The following RSPH14 variants were observed in gnomAD, a reference collection of about 807,000 sequenced individuals.
The protein encoded by RSPH14 is rhabdoid tumor deletion region gene 1.
Under a neutral mutation model 26.7 loss-of-function variants are expected in RSPH14, and 20 were observed. The ratio of observed to expected loss-of-function variants is 0.75; its 90% CI spans 0.53 to 1.09. The LOEUF (loss-of-function observed/expected upper bound fraction) is 1.09, where lower values mean the gene tolerates loss of function less well. Ranked by LOEUF, RSPH14 falls within the 50% of genes least tolerant of loss-of-function variation. RSPH14 has a pLI of 0.00. For missense variants in RSPH14, 449 were observed against 457.2 expected (o/e 0.98, Z 0.16); for synonymous variants, 177 against 189.3 (o/e 0.93, Z 0.53).
chr22:23,138,453 C>T (rs2070520710), intron 3 of RSPH14, among the ~76,000 whole-genome samples: 1 of 152,048 alleles, frequency 6.6e-6, no homozygotes, highest in Admixed American at 6.6e-5. Flanking sequence ...CCCAGCTACT[C>T]AGGAGGCTGA....
intron 4 of RSPH14, among the ~76,000 whole-genome samples, chr22:23,127,989 C>T (rs140961756): frequency 3.3e-5 from 5 of 152,240 alleles, no homozygotes; most frequent in African/African-American, 1.2e-4. Flanking sequence ...GGGCTGCACA[C>T]GTGTGGAGTC....
intron 4 of RSPH14, among the ~76,000 whole-genome samples, chr22:23,115,604 G>A (rs1043961838): frequency 6.6e-6 from 1 of 152,108 alleles, no homozygotes; most frequent in African/African-American, 2.4e-5. Flanking sequence ...CCTGCAGGGT[G>A]GCCTCCCACA....
In RSPH14 at chr22:23,134,125, C is replaced by T. The variant is rs150195770; in HGVS notation, c.322G>A (p.Asp108Asn). 634 of 1,610,734 alleles carry T rather than the reference C, an allele frequency of 3.9e-4. No individual in the cohort carries two copies. The highest frequency in any genetic ancestry group is 1.3e-3 in the Middle Eastern group (8 of 6,074). The change falls in exon 4 of 7, where the codon GAC becomes AAC. Residue 108 changes from aspartate to asparagine, a missense_variant. Asp to Asn is a conservative substitution (Grantham distance 23, BLOSUM62 1). Coordinates refer to ENST00000216036, the MANE Select transcript of RSPH14 (RefSeq NM_014433.3). ...AGGAAGGACAGGGCAAGGACGATGT[C>T]GTGCTCTAGAAAGGCGTATCTAGGG... ...SVGRYAFLEH[D>N]IVLALSFLLN... is the part of the protein sequence containing the mutation.
At chr22:23,063,793 G>T in intron 5 of RSPH14, 109 bp downstream of exon 5, 1 of 968,410 alleles carries the variant, frequency 1.0e-6, no homozygotes, top group Non-Finnish European at 1.6e-6. Context: ...CTGGGCACAA[G>T]CAGGCAAGGG....
rs535887947 is a variant in RSPH14 at position 23,111,610 on chromosome 22, A to C, written c.421+22416T>G. Among the ~76,000 whole-genome samples the C allele has an allele frequency of 1.3e-4, 20 of 152,348 alleles. 1 individual carries two copies. The South Asian group carries it at 4.1e-3, about 32-fold the overall frequency. On this transcript the variant is annotated intron_variant, in intron 4 of 6. Transcript: ENST00000216036. ...TAGAACCCAGTGACCATCTTGGACA[A>C]ACAGCTTATTTTACTGAGGCAGGAG...
chr22:23,076,048 T>C (rs1366738938), intron 4 of RSPH14, among the ~76,000 whole-genome samples: 1 of 152,090 alleles, frequency 6.6e-6, no homozygotes, highest in Non-Finnish European at 1.5e-5. Flanking sequence ...CCCTGGTTGG[T>C]CATAGGAAGG....
At chr22:23,163,756 C>T in the RSPH14 span, 1 of 152,180 alleles carries the variant, frequency 6.6e-6, no homozygotes, top group Admixed American at 6.5e-5. Flanking sequence ...GTGCCTTTGC[C>T]TGCACAGCTA....
rs148835812 is a variant in RSPH14, at chr22:23,069,460, C to T, written c.422-5327G>A. Among the ~76,000 whole-genome samples the T allele has an allele frequency of 1.5e-3, 229 of 152,306 alleles. 6 individuals are homozygous for T. The South Asian group carries it at 0.039, about 26-fold the overall frequency. On this transcript the variant is annotated intron_variant, in intron 4 of 6. Coordinates refer to ENST00000216036, the MANE Select transcript of RSPH14 (RefSeq NM_014433.3). ...CTGAGGGACTCCTGGCCCTGAGGTC[C>T]ACAGATAGGCTTTGAAATTGAAAAC... is the stretch of plus-strand genomic sequence containing the variant.
intron 4 of RSPH14, chr22:23,123,273 A>G: frequency 6.2e-7 from 1 of 1,614,136 alleles, no homozygotes; most frequent in Non-Finnish European, 8.5e-7. Flanking sequence ...CGCTGTCTAC[A>G]TCCAGCGGCA....
chr22:23,134,548 C>CAA lies in RSPH14; in HGVS notation c.303-406_303-405dup, dbSNP rs59412175. Among the ~76,000 whole-genome samples, 592 of 86,106 alleles carry CAA rather than the reference C, an allele frequency of 6.9e-3. 9 individuals are homozygous for CAA. Among genetic ancestry groups the CAA allele is most frequent in the African/African-American group, 0.022 (493 of 21,992 alleles). 56.5% of individuals were successfully genotyped at this position (86,106 alleles called of 152,430 possible). On this transcript the variant is annotated intron_variant, in intron 3 of 6. Coordinates refer to ENST00000216036, the MANE Select transcript of RSPH14 (RefSeq NM_014433.3). ...TCAAAATTGAGCCCCAACTCCCAACCAAAAAAAAAAAAAAAAAAAAAAAAG... is the reference window on the plus strand; with the variant it reads ...TCAAAATTGAGCCCCAACTCCCAACCAAAAAAAAAAAAAAAAAAAAAAAAAAG...
At chr22:23,161,783 G>A in the RSPH14 span, 1 of 555,338 alleles carries the variant, frequency 1.8e-6, no homozygotes, top group Non-Finnish European at 3.2e-6. Context: ...TGGCTGCCTG[G>A]GAGCCCCACA....
chr22:23,101,955 T>TG (rs1409340813), intron 4 of RSPH14, among the ~76,000 whole-genome samples: 2 of 152,208 alleles, frequency 1.3e-5, no homozygotes, highest in African/African-American at 4.8e-5. Flanking sequence ...TCTCTAAGCT[T>TG]GGCCTGGCTT....
chr22:23,121,067 C>T (rs149544053), intron 4 of RSPH14, among the ~76,000 whole-genome samples: 18 of 152,290 alleles, frequency 1.2e-4, no homozygotes, highest in Middle Eastern at 3.4e-3. Context: ...TAGACCACCA[C>T]TTATCTCACA....
chr22:23,123,460 T>C, intron 4 of RSPH14: 2 of 1,479,974 alleles, frequency 1.4e-6, no homozygotes, highest in Non-Finnish European at 1.9e-6. Context: ...CGCCTGCCTA[T>C]GGTGAAACCC....
At chr22:23,089,135 T>C (rs954456014) in intron 4 of RSPH14, among the ~76,000 whole-genome samples, 1 of 152,194 alleles carries the variant, frequency 6.6e-6, no homozygotes, top group Non-Finnish European at 1.5e-5. Context: ...AGTGAGGGGC[T>C]GGACTGCCGT....
chr22:23,133,568 G>A (rs370877761), intron 4 of RSPH14, among the ~76,000 whole-genome samples: 25 of 152,210 alleles, frequency 1.6e-4, no homozygotes, highest in African/African-American at 5.1e-4. Context: ...TGTTCGTTTA[G>A]GATATGCGCT....
At chr22:23,157,177 C>T in the RSPH14 span, among the ~76,000 whole-genome samples, 9 of 152,090 alleles carry the variant, frequency 5.9e-5, no homozygotes, top group Admixed American at 1.3e-4. Context: ...GAAGTTGTTT[C>T]GCTAAAGCAG....
the RSPH14 span, chr22:23,158,935 G>C: frequency 1.2e-6 from 2 of 1,614,220 alleles, no homozygotes; most frequent in Non-Finnish European, 1.7e-6. Flanking sequence ...GAACGAGGCA[G>C]GCTCCTGCTT....
the RSPH14 span, among the ~76,000 whole-genome samples, chr22:23,175,453 C>T: frequency 4.8e-4 from 73 of 152,212 alleles, 1 homozygote; most frequent in African/African-American, 1.8e-3. Flanking sequence ...AAGCAATTCT[C>T]CAGCCTCCGC....
Sources: gnomAD v4.1 joint callset for allele counts (sites outside exome capture counted in the v4.1 genomes callset) on GRCh38, gnomAD v4.1.1 for gene constraint, MANE v1.5 for transcripts, NCBI Gene and HGNC (gene_info 2026-07-23, HGNC 2026-07-21) for gene names.